The following MARCHF8 variants were observed in gnomAD, a reference collection of about 807,000 sequenced individuals.
The protein encoded by MARCHF8 is E3 ubiquitin-protein ligase MARCHF8.
MARCHF8 carries 40 observed loss-of-function variants against 51.6 expected under a neutral mutation model. The ratio of observed to expected loss-of-function variants is 0.77; its 90% CI spans 0.60 to 1.01. MARCHF8 has a LOEUF of 1.01. MARCHF8 is among the 50% of genes least tolerant of loss of function. The probability of loss-of-function intolerance (pLI) is 0.00; values close to 1 mark genes in which losing one functional copy is unlikely to be tolerated. For missense variants in MARCHF8, 685 were observed against 708.6 expected (o/e 0.97, Z 0.38); for synonymous variants, 263 against 280.3 (o/e 0.94, Z 0.62).
intron 2 of MARCHF8, among the ~76,000 whole-genome samples, chr10:45,519,976 G>A (rs2043681445): frequency 1.3e-5 from 2 of 152,176 alleles, no homozygotes; most frequent in South Asian, 4.1e-4. Context: ...CACCTGAGGA[G>A]GACAACAGCA....
chr10:45,582,522 T>C (rs1475032244), intron 1 of MARCHF8, among the ~76,000 whole-genome samples: 1 of 152,148 alleles, frequency 6.6e-6, no homozygotes, highest in Non-Finnish European at 1.5e-5. Context: ...ATGGCAGAAC[T>C]GAAAGGAATC....
intron 2 of MARCHF8, among the ~76,000 whole-genome samples, chr10:45,527,367 AC>A (rs2043810717): frequency 6.6e-6 from 1 of 152,184 alleles, no homozygotes; most frequent in Admixed American, 6.5e-5. Flanking sequence ...TTGACAGCCT[AC>A]TAGCTACATT....
chr10:45,490,335 G>A (rs2043058993), intron 2 of MARCHF8, among the ~76,000 whole-genome samples: 2 of 152,206 alleles, frequency 1.3e-5, no homozygotes, highest in African/African-American at 4.8e-5. Context: ...GGCTACTCAG[G>A]AGGTGACTCT....
intron 3 of MARCHF8, among the ~76,000 whole-genome samples, chr10:45,480,955 T>C (rs2042874490): frequency 6.6e-6 from 1 of 152,192 alleles, no homozygotes; most frequent in African/African-American, 2.4e-5. Flanking sequence ...AGACACTCAA[T>C]GACAGCTCGT....
chr10:45,548,742 C>T (rs940864077), intron 1 of MARCHF8, among the ~76,000 whole-genome samples: 1 of 152,094 alleles, frequency 6.6e-6, no homozygotes, highest in Non-Finnish European at 1.5e-5. Context: ...GTGGCTCATG[C>T]CTGTAATCTT....
chr10:45,511,439 G>T (rs968523579), intron 2 of MARCHF8, among the ~76,000 whole-genome samples: 4 of 151,894 alleles, frequency 2.6e-5, no homozygotes, highest in Non-Finnish European at 5.9e-5. Flanking sequence ...CTCTTTCCAC[G>T]GTCTCCCTCT....
chr10:45,475,017 A>G (rs2042760921), intron 3 of MARCHF8, among the ~76,000 whole-genome samples: 4 of 152,172 alleles, frequency 2.6e-5, no homozygotes, highest in Admixed American at 2.6e-4. Context: ...AGAAGACACC[A>G]TACTGAGAGC....
intron 2 of MARCHF8, among the ~76,000 whole-genome samples, chr10:45,495,109 A>G (rs2043149046): frequency 6.6e-6 from 1 of 151,930 alleles, no homozygotes; most frequent in Non-Finnish European, 1.5e-5. Flanking sequence ...AACAAAAGCA[A>G]AACTCCATCT....
intron 1 of MARCHF8, among the ~76,000 whole-genome samples, chr10:45,587,925 C>A (rs894910731): frequency 6.6e-6 from 1 of 151,880 alleles, no homozygotes; most frequent in African/African-American, 2.4e-5. Context: ...AGCCCAAGGC[C>A]TCCTCGGACA....
At chr10:45,493,051 T>A (rs1399145888) in intron 2 of MARCHF8, among the ~76,000 whole-genome samples, 3 of 152,208 alleles carry the variant, frequency 2.0e-5, no homozygotes, top group Non-Finnish European at 2.9e-5. Flanking sequence ...GTATTACCAC[T>A]GAACTCCTCT....
Position 45,572,755 on chromosome 10 carries a change from C to T in MARCHF8, c.-79+21480G>A, listed in dbSNP as rs1263342109. Among the ~76,000 whole-genome samples the T allele has an allele frequency of 3.3e-5, 5 of 152,110 alleles. No homozygotes were observed. The South Asian group carries it at 1.0e-3, about 31-fold the overall frequency. ...CTTTTGAATCTTCCTTTTCTACTGA[C>T]CCATCTGACCTCTCCCCTCCTCCCC... On this transcript the variant is annotated intron_variant, in intron 1 of 6. Coordinates refer to the MARCHF8 transcript ENST00000319836.
chr10:45,459,236 C>A lies in MARCHF8; in HGVS notation c.1301G>T (p.Arg434Leu). 6.2e-7 allele frequency: 1 copy of A among 1,613,968 alleles called. No homozygotes were observed. The highest frequency in any genetic ancestry group is 8.5e-7 in the Non-Finnish European group (1 of 1,179,988). ...WEKLQMTSSERRKIMCSVTFH... is the reference protein window; with the variant it reads ...WEKLQMTSSELRKIMCSVTFH... ...TGTCACTGAGCACATGATCTTCCTG[C>A]GCTCGCTGGACGTCATCTGCAACTT... The change falls in exon 7 of 8, where the codon CGC becomes CTC. Residue 434 changes from arginine to leucine, a missense_variant. Arg to Leu is a moderately radical substitution (Grantham distance 102). Coordinates refer to ENST00000453424, the MANE Select transcript of MARCHF8 (RefSeq NM_001282866.2).
At chr10:45,571,613 C>G (rs1050419814) in intron 1 of MARCHF8, among the ~76,000 whole-genome samples, 1 of 151,826 alleles carries the variant, frequency 6.6e-6, no homozygotes, top group Non-Finnish European at 1.5e-5. Flanking sequence ...CTTGGGAGAT[C>G]AATCCCCTGT....
In MARCHF8 at chr10:45,463,358, C is replaced by T; in HGVS notation, c.881G>A (p.Ser294Asn). ...AARLHTAKSS[S>N]GLAGSMGFCS... ...GAAGCCCATACTCCCTGCCAGCCCG[C>T]TGGAGGACTTGGCAGTGTGCAGGCG... is the stretch of plus-strand genomic sequence containing the variant. Residue 294 changes from serine to asparagine, a missense_variant, in exon 5 of 8, where the codon AGC (serine) becomes AAC (asparagine). Coordinates refer to ENST00000453424, the MANE Select transcript of MARCHF8 (RefSeq NM_001282866.2). 6.4e-7 allele frequency: 1 copy of T among 1,550,836 alleles called. No individual in the cohort carries two copies. The highest frequency in any genetic ancestry group is 2.0e-5 in the Admixed American group (1 of 51,010).
chr10:45,581,243 T>C (rs867750884), intron 1 of MARCHF8, among the ~76,000 whole-genome samples: 2 of 152,090 alleles, frequency 1.3e-5, no homozygotes, highest in Non-Finnish European at 2.9e-5. Context: ...CTGAACATCC[T>C]ACAATACACA....
chr10:45,462,148 G>A (rs1589070844), intron 5 of MARCHF8: 1 of 152,250 alleles, frequency 6.6e-6, no homozygotes, highest in Non-Finnish European at 1.5e-5. Context: ...CACTCGTCCT[G>A]GAAGGAGCCA....
chr10:45,507,188 C>T (rs1352660380), intron 2 of MARCHF8, among the ~76,000 whole-genome samples: 3 of 152,130 alleles, frequency 2.0e-5, no homozygotes, highest in Admixed American at 6.5e-5. Flanking sequence ...ACAATGGTGG[C>T]AGGCAGGTAC....
At chr10:45,593,885 A>G (rs1013598504) in intron 1 of MARCHF8, among the ~76,000 whole-genome samples, 3 of 152,268 alleles carry the variant, frequency 2.0e-5, no homozygotes, top group African/African-American at 7.2e-5. Flanking sequence ...ATTAAAAAAT[A>G]CACAAAACAT....
intron 2 of MARCHF8, among the ~76,000 whole-genome samples, chr10:45,490,880 G>A (rs890734211): frequency 1.3e-5 from 2 of 152,160 alleles, no homozygotes; most frequent in African/African-American, 4.8e-5. Context: ...TGGGACTACA[G>A]GGATGTGCCA....
Sources: gnomAD v4.1 joint callset for allele counts (sites outside exome capture counted in the v4.1 genomes callset) on GRCh38, gnomAD v4.1.1 for gene constraint, MANE v1.5 for transcripts, NCBI Gene and HGNC (gene_info 2026-07-23, HGNC 2026-07-21) for gene names.